Variants in ASIC2 observed in about 807,000 individuals in gnomAD.
The protein encoded by ASIC2 is acid sensing ion channel subunit 2, also known as acid-sensing ion channel 2.
Under a neutral mutation model 57.3 loss-of-function variants are expected in ASIC2, and 25 were observed. The ratio of observed to expected loss-of-function variants is 0.44; its 90% CI spans 0.32 to 0.61. The LOEUF (loss-of-function observed/expected upper bound fraction) is 0.61. Among genes scored for constraint, ASIC2 ranks in the 20% least tolerant of loss-of-function variants. The pLI is 0.06. For synonymous variants in ASIC2, 319 were observed against 307.5 expected, an observed-to-expected ratio of 1.04 and a Z score of -0.39; for missense variants, 641 against 738.1, an observed-to-expected ratio of 0.87 and a Z score of 1.52.
intron 1 of ASIC2, among the ~76,000 whole-genome samples, chr17:34,108,988 T>C (rs914302687): frequency 2.0e-5 from 3 of 152,080 alleles, no homozygotes; most frequent in South Asian, 4.1e-4. Context: ...CTTATCTTTT[T>C]ACTTTCAACA....
chr17:33,826,668 T>A (rs1285061094), intron 1 of ASIC2, among the ~76,000 whole-genome samples: 2 of 152,144 alleles, frequency 1.3e-5, no homozygotes, highest in Non-Finnish European at 2.9e-5. Context: ...CCATGCCTTA[T>A]TACCTCTGTG....
intron 3 of ASIC2, among the ~76,000 whole-genome samples, chr17:33,062,351 G>A (rs1472428212): frequency 6.6e-6 from 1 of 152,096 alleles, no homozygotes; most frequent in East Asian, 1.9e-4. Context: ...CAGAGATTCT[G>A]GTATGTTGTG....
chr17:33,198,973 T>C (rs746056295), intron 1 of ASIC2, among the ~76,000 whole-genome samples: 6 of 152,226 alleles, frequency 3.9e-5, no homozygotes, highest in African/African-American at 7.2e-5. Flanking sequence ...CCTTGCTATC[T>C]GTCATTAAAC....
chr17:33,959,894 A>G (rs1298128457), intron 1 of ASIC2, among the ~76,000 whole-genome samples: 2 of 152,204 alleles, frequency 1.3e-5, no homozygotes, highest in African/African-American at 2.4e-5. Context: ...GTTCTTGCAT[A>G]TGGTGTTCCA....
intron 1 of ASIC2, among the ~76,000 whole-genome samples, chr17:33,983,466 G>T (rs1256178933): frequency 6.6e-6 from 1 of 152,110 alleles, no homozygotes; most frequent in Non-Finnish European, 1.5e-5. Flanking sequence ...ACCCAGTTTC[G>T]ATGACGTTTG....
At chr17:33,150,340 C>T (rs1182874461) in intron 1 of ASIC2, among the ~76,000 whole-genome samples, 1 of 152,148 alleles carries the variant, frequency 6.6e-6, no homozygotes, top group Non-Finnish European at 1.5e-5. Context: ...GGCACGGATG[C>T]CCTACTTGCT....
intron 1 of ASIC2, among the ~76,000 whole-genome samples, chr17:34,031,036 G>C (rs1264522064): frequency 6.6e-6 from 1 of 152,216 alleles, no homozygotes; most frequent in Non-Finnish European, 1.5e-5. Flanking sequence ...GCACACAGCT[G>C]GAGATCTGAG....
intron 1 of ASIC2, among the ~76,000 whole-genome samples, chr17:33,884,816 C>G (rs1914789393): frequency 6.6e-6 from 1 of 152,104 alleles, no homozygotes; most frequent in South Asian, 2.1e-4. Flanking sequence ...AACTCTGAAG[C>G]CCACAGTAGC....
intron 4 of ASIC2, among the ~76,000 whole-genome samples, chr17:33,027,316 A>G (rs2091863391): frequency 6.6e-6 from 1 of 152,204 alleles, no homozygotes; most frequent in Admixed American, 6.5e-5. Context: ...ACAGATTATC[A>G]CAGAAAACAA....
At chr17:34,136,436 C>G (rs1306455937) in intron 1 of ASIC2, among the ~76,000 whole-genome samples, 1 of 152,194 alleles carries the variant, frequency 6.6e-6, no homozygotes, top group Non-Finnish European at 1.5e-5. Context: ...TACCTAGAGG[C>G]TTTATCTACA....
intron 1 of ASIC2, among the ~76,000 whole-genome samples, chr17:33,670,546 G>A (rs1326599744): frequency 6.6e-6 from 1 of 152,204 alleles, no homozygotes; most frequent in East Asian, 1.9e-4. Flanking sequence ...CTAGCAGCAG[G>A]CAATGCCATT....
At chr17:33,375,535 G>T (rs902125803) in intron 1 of ASIC2, among the ~76,000 whole-genome samples, 2 of 152,150 alleles carry the variant, frequency 1.3e-5, no homozygotes, top group African/African-American at 4.8e-5. Context: ...TACGTGCCAG[G>T]GTATGGCTTG....
chr17:33,944,966 G>C (rs1328358797), intron 1 of ASIC2, among the ~76,000 whole-genome samples: 1 of 152,148 alleles, frequency 6.6e-6, no homozygotes, highest in Non-Finnish European at 1.5e-5. Context: ...AAAGAGCCTT[G>C]TCCTGCCAAG....
At chr17:34,084,865 T>C (rs1324786949) in intron 1 of ASIC2, among the ~76,000 whole-genome samples, 1 of 152,236 alleles carries the variant, frequency 6.6e-6, no homozygotes, top group Non-Finnish European at 1.5e-5. Context: ...ATAAGAATGC[T>C]TGTGATTTTT....
chr17:34,113,758 G>A (rs981938720), intron 1 of ASIC2, among the ~76,000 whole-genome samples: 4 of 151,482 alleles, frequency 2.6e-5, no homozygotes, highest in South Asian at 2.1e-4. Flanking sequence ...ACCTACAGTC[G>A]CAGTTACTTG....
intron 1 of ASIC2, among the ~76,000 whole-genome samples, chr17:33,181,156 CATA>C (rs1905969111): frequency 6.6e-6 from 1 of 152,122 alleles, no homozygotes; most frequent in East Asian, 1.9e-4. Flanking sequence ...GACCTGGAGC[CATA>C]ATATTAGAGT....
intron 1 of ASIC2, among the ~76,000 whole-genome samples, chr17:34,014,290 A>G (rs1329081923): frequency 1.3e-5 from 2 of 152,234 alleles, no homozygotes; most frequent in African/African-American, 4.8e-5. Flanking sequence ...GGTCACCCAT[A>G]GCTACCATGT....
At chr17:33,188,886 AT>A (rs1229795355) in intron 1 of ASIC2, among the ~76,000 whole-genome samples, 4 of 152,178 alleles carry the variant, frequency 2.6e-5, no homozygotes, top group African/African-American at 9.6e-5. Context: ...AATATAAAAT[AT>A]TTTTTCTTAT....
At chr17:33,227,309 C>T (rs1907917860) in intron 1 of ASIC2, among the ~76,000 whole-genome samples, 1 of 152,172 alleles carries the variant, frequency 6.6e-6, no homozygotes, top group Non-Finnish European at 1.5e-5. Flanking sequence ...CTCCATGTGG[C>T]CACCCTGGTA....
Sources: allele counts gnomAD v4.1 joint callset (sites outside exome capture counted in the v4.1 genomes callset), GRCh38; gene constraint gnomAD v4.1.1; transcripts MANE v1.5; gene names NCBI Gene and HGNC (gene_info 2026-07-23, HGNC 2026-07-21).